The following FRMD3 variants were observed in gnomAD, a reference collection of about 807,000 sequenced individuals.
FRMD3 encodes the protein FERM domain-containing protein 3.
Under a neutral mutation model 70.2 loss-of-function variants are expected in FRMD3, and 33 were observed. The ratio of observed to expected loss-of-function variants is 0.47; its 90% CI spans 0.36 to 0.63. The LOEUF (loss-of-function observed/expected upper bound fraction) is 0.63, where lower values mean the gene tolerates loss of function less well. Ranked by LOEUF, FRMD3 falls within the 20% of genes least tolerant of loss-of-function variation. FRMD3 has a pLI of 0.00. For missense variants in FRMD3, 632 were observed against 711.4 expected, an observed-to-expected ratio of 0.89 and a Z score of 1.27; for synonymous variants, 279 against 255.9, an observed-to-expected ratio of 1.09 and a Z score of -0.86.
chr9:83,520,950 C>T (rs1311984524), intron 1 of FRMD3, among the ~76,000 whole-genome samples: 2 of 146,176 alleles, frequency 1.4e-5, no homozygotes, highest in Non-Finnish European at 3.0e-5. Flanking sequence ...CATGGTGAAA[C>T]CCTGTGTCTA....
intron 1 of FRMD3, among the ~76,000 whole-genome samples, chr9:83,406,533 A>G (rs551890742): frequency 6.6e-6 from 1 of 152,346 alleles, no homozygotes; most frequent in South Asian, 2.1e-4. Flanking sequence ...GGTTAATTTT[A>G]AAGAGCTCAG....
At chr9:83,461,056 C>A (rs1178444064) in intron 1 of FRMD3, among the ~76,000 whole-genome samples, 1 of 152,088 alleles carries the variant, frequency 6.6e-6, no homozygotes, top group Admixed American at 6.5e-5. Context: ...AGAGCAATGG[C>A]CCCAAAGATG....
intron 1 of FRMD3, among the ~76,000 whole-genome samples, chr9:83,520,717 A>T (rs1192986814): frequency 6.6e-6 from 1 of 152,168 alleles, no homozygotes; most frequent in Non-Finnish European, 1.5e-5. Context: ...ATGCATAAGG[A>T]GGCTTTTCAA....
intron 13 of FRMD3, among the ~76,000 whole-genome samples, chr9:83,254,282 A>G (rs1278088211): frequency 6.6e-6 from 1 of 152,042 alleles, no homozygotes; most frequent in Non-Finnish European, 1.5e-5. Context: ...AAAATAATAA[A>G]AGAAACTTTC....
rs182079082 is a variant in FRMD3, at chr9:83,538,036, G to A, written c.147+49C>T. 50,340 of 1,598,774 alleles carry A rather than the reference G, an allele frequency of 0.031. 903 individuals carry two copies. The highest frequency in any genetic ancestry group is 0.06 in the Middle Eastern group (346 of 5,722). ...CGCATGCCCACCGCAAAGGCCCCCCGCCCTGCTCCCGGCGTGTGCCCCGCG... is the reference window on the plus strand; with the variant it reads ...CGCATGCCCACCGCAAAGGCCCCCCACCCTGCTCCCGGCGTGTGCCCCGCG... On this transcript the variant is annotated intron_variant, in intron 1 of 13. Coordinates refer to ENST00000304195, the MANE Select transcript of FRMD3 (RefSeq NM_174938.6). The surrounding 1 kb of genome is among the most constrained non-coding windows in gnomAD (Gnocchi z 4.7).
In FRMD3 at chr9:83,371,962, C is replaced by CT. The variant is rs559582055; in HGVS notation, c.295+950dup. Among the ~76,000 whole-genome samples the CT allele has an allele frequency of 4.5e-4, 68 of 152,316 alleles. No homozygotes were observed. The East Asian group carries it at 0.012, about 26-fold the overall frequency. On this transcript the variant is annotated intron_variant, in intron 3 of 13. Coordinates refer to ENST00000304195, the MANE Select transcript of FRMD3 (RefSeq NM_174938.6). ...GTCGTCCATGTTCAGTTTCTTCCTT[C>CT]TTTCACCTGAAAACCCTGCCCAGAA...
intron 6 of FRMD3, among the ~76,000 whole-genome samples, chr9:83,334,050 C>T (rs528057208): frequency 1.8e-4 from 28 of 152,042 alleles, no homozygotes; most frequent in Non-Finnish European, 3.5e-4. Context: ...GCATAGAAAA[C>T]CTTTCCATTC....
At chr9:83,451,615 T>C (rs1269186404) in intron 1 of FRMD3, among the ~76,000 whole-genome samples, 1 of 152,176 alleles carries the variant, frequency 6.6e-6, no homozygotes, top group Non-Finnish European at 1.5e-5. Context: ...TTACAGGATG[T>C]GCTGTGACAT....
chr9:83,361,716 T>C (rs1257503318), intron 3 of FRMD3, among the ~76,000 whole-genome samples: 2 of 152,182 alleles, frequency 1.3e-5, no homozygotes, highest in African/African-American at 4.8e-5. Context: ...GCATTCATAT[T>C]AGGTTAGGGT....
the FRMD3 span, among the ~76,000 whole-genome samples, chr9:83,560,944 T>C: frequency 1.1e-4 from 17 of 152,318 alleles, no homozygotes; most frequent in East Asian, 2.9e-3. Flanking sequence ...AGAACTGAGA[T>C]GAAAGAAAAG....
intron 2 of FRMD3, among the ~76,000 whole-genome samples, chr9:83,386,876 G>T (rs1389897927): frequency 6.6e-6 from 1 of 152,100 alleles, no homozygotes; most frequent in African/African-American, 2.4e-5. Context: ...CATTGAATTT[G>T]CCTGATGTTT....
rs891404454 is a variant in FRMD3, at chr9:83,247,790, G to A, written c.*128C>T. 21 of 1,492,576 alleles carry A rather than the reference G, an allele frequency of 1.4e-5. No individual in the cohort carries two copies. Among genetic ancestry groups the A allele is most frequent in the Non-Finnish European group, 1.7e-5 (19 of 1,126,316 alleles). The allele number at this position is 1,492,576 out of a possible 1,614,324, so 92.5% of individuals were successfully genotyped here. ...TGAATTATGGAAAGCTAACTTAAAG[G>A]TTTGAATAATCAATTATGAGTAAGG... On this transcript the variant is annotated 3_prime_UTR_variant, in exon 14 of 14. Transcript: ENST00000304195.
intron 13 of FRMD3, among the ~76,000 whole-genome samples, chr9:83,285,278 G>T (rs923311174): frequency 7.9e-5 from 12 of 151,990 alleles, no homozygotes; most frequent in Admixed American, 3.3e-4. Flanking sequence ...ACATTTACAG[G>T]GATGGTGCTA....
intron 1 of FRMD3, among the ~76,000 whole-genome samples, chr9:83,476,989 C>A (rs928435101): frequency 6.6e-6 from 1 of 152,174 alleles, no homozygotes. Context: ...CAGTACCTAA[C>A]TAGCACAGTA....
the FRMD3 span, among the ~76,000 whole-genome samples, chr9:83,566,507 C>T: frequency 1.6e-4 from 24 of 152,314 alleles, no homozygotes; most frequent in African/African-American, 5.5e-4. Flanking sequence ...TCAGCATTAA[C>T]CCAGAAGTCC....
At chr9:83,499,073 G>T in intron 1 of FRMD3, among the ~76,000 whole-genome samples, 1 of 152,190 alleles carries the variant, frequency 6.6e-6, no homozygotes, top group Admixed American at 6.5e-5. Flanking sequence ...GGAAAAGCTG[G>T]TGAAGCTGAT....
chr9:83,437,360 T>C (rs7875766), intron 1 of FRMD3, among the ~76,000 whole-genome samples: 12,702 of 152,260 alleles, frequency 0.083, 611 homozygotes, highest in South Asian at 0.2. Context: ...TTTGACTATA[T>C]AGACTTACCA....
intron 3 of FRMD3, among the ~76,000 whole-genome samples, chr9:83,353,324 G>T (rs1269044384): frequency 3.3e-5 from 5 of 152,154 alleles, no homozygotes; most frequent in South Asian, 2.1e-4. Context: ...CTTACTTAAG[G>T]TTCTATTAAT....
the FRMD3 span, among the ~76,000 whole-genome samples, chr9:83,566,657 G>A: frequency 6.6e-6 from 1 of 152,126 alleles, no homozygotes; most frequent in South Asian, 2.1e-4. Context: ...AGAGAAATTG[G>A]CCAAAACAAA....
Sources: allele counts gnomAD v4.1 joint callset (sites outside exome capture counted in the v4.1 genomes callset), GRCh38; gene constraint gnomAD v4.1.1; non-coding constraint Gnocchi (gnomAD v3.1); transcripts MANE v1.5; gene names NCBI Gene and HGNC (gene_info 2026-07-23, HGNC 2026-07-21).